PRKCA: variants seen among roughly 807,000 people sequenced by gnomAD.
PRKCA encodes protein kinase C alpha type.
A neutral mutation model predicts 87.0 loss-of-function variants in PRKCA; 27 were observed. The ratio of observed to expected loss-of-function variants is 0.31; its 90% CI spans 0.23 to 0.43. PRKCA has a LOEUF of 0.43. PRKCA is among the 20% of genes least tolerant of loss of function. The pLI is 1.00. For missense variants in PRKCA, 518 were observed against 852.3 expected (o/e 0.61, Z 4.88); for synonymous variants, 329 against 311.1 (o/e 1.06, Z -0.61).
chr17:66,781,887 A>ATATATATATATATAGT (rs767300220), intron 14 of PRKCA, among the ~76,000 whole-genome samples: 25 of 125,610 alleles, frequency 2.0e-4, no homozygotes, highest in African/African-American at 7.6e-4. Flanking sequence ...ATATATATAT[A>ATATATATATATATAGT]GTGTGTGTGT....
At chr17:66,464,091 T>G (rs576447169) in intron 2 of PRKCA, among the ~76,000 whole-genome samples, 148 of 152,334 alleles carry the variant, frequency 9.7e-4, no homozygotes, top group South Asian at 3.5e-3. Context: ...CTCCATGGTT[T>G]TGCCTTTTTC....
intron 2 of PRKCA, among the ~76,000 whole-genome samples, chr17:66,456,593 T>C (rs933236286): frequency 1.3e-5 from 2 of 152,230 alleles, no homozygotes; most frequent in African/African-American, 4.8e-5. Flanking sequence ...TGTCATCCCC[T>C]GTGCTGGCTT....
intron 2 of PRKCA, among the ~76,000 whole-genome samples, chr17:66,495,461 C>T (rs549893774): frequency 8.5e-5 from 13 of 152,124 alleles, no homozygotes; most frequent in East Asian, 5.8e-4. Context: ...ATTTCAACCA[C>T]GGAATACAAT....
chr17:66,582,632 T>TTTATACA (rs1969480089), intron 3 of PRKCA, among the ~76,000 whole-genome samples: 1 of 147,890 alleles, frequency 6.8e-6, no homozygotes, highest in South Asian at 2.1e-4. Flanking sequence ...ACCTCTTTCC[T>TTTATACA]TTATACATTG....
chr17:66,794,490 A>G (rs933799496), intron 16 of PRKCA, among the ~76,000 whole-genome samples: 2 of 151,738 alleles, frequency 1.3e-5, no homozygotes, highest in African/African-American at 4.8e-5. Context: ...AATAATTTCC[A>G]ATTTCAGACT....
intron 3 of PRKCA, among the ~76,000 whole-genome samples, chr17:66,636,303 A>T (rs955390237): frequency 2.0e-4 from 30 of 152,338 alleles, no homozygotes; most frequent in African/African-American, 7.2e-4. Context: ...TAGACTGGAA[A>T]AGAGTTTCCA....
At chr17:66,618,588 CT>C (rs1213899624) in intron 3 of PRKCA, among the ~76,000 whole-genome samples, 5 of 152,104 alleles carry the variant, frequency 3.3e-5, no homozygotes, top group Admixed American at 2.6e-4. Context: ...TTTGAGAAAG[CT>C]CTGGGACATT....
chr17:66,732,878 T>C, intron 9 of PRKCA, 53 bp downstream of exon 9: 2 of 1,582,466 alleles, frequency 1.3e-6, no homozygotes, highest in Non-Finnish European at 1.7e-6. Context: ...GAATGTCGAA[T>C]CAGTTTTGTT....
chr17:66,755,983 T>A (rs564764917), intron 13 of PRKCA, among the ~76,000 whole-genome samples: 1 of 152,296 alleles, frequency 6.6e-6, no homozygotes, highest in Admixed American at 6.5e-5. Flanking sequence ...GAAACCTCCC[T>A]GGCTACTAGT....
intron 13 of PRKCA, among the ~76,000 whole-genome samples, chr17:66,748,855 G>T (rs1454582713): frequency 6.6e-6 from 1 of 152,062 alleles, no homozygotes. Flanking sequence ...GAGGGAGGGA[G>T]AAAGAAGGAA....
chr17:66,314,396 A>G (rs554212750), intron 2 of PRKCA, among the ~76,000 whole-genome samples: 1 of 152,310 alleles, frequency 6.6e-6, no homozygotes, highest in South Asian at 2.1e-4. Flanking sequence ...GCATTAAAAA[A>G]ACTCTTTATT....
chr17:66,375,807 C>G (rs1909385264), intron 2 of PRKCA, among the ~76,000 whole-genome samples: 1 of 152,072 alleles, frequency 6.6e-6, no homozygotes, highest in South Asian at 2.1e-4. Flanking sequence ...GTTCACAGCT[C>G]CTGGCCAGCC....
chr17:66,768,302 G>A (rs1974856445), intron 13 of PRKCA, among the ~76,000 whole-genome samples: 1 of 150,688 alleles, frequency 6.6e-6, no homozygotes, highest in South Asian at 2.1e-4. Context: ...GCCCAAGCTG[G>A]TCTCCAATTC....
chr17:66,624,262 TGGG>T (rs1332195966), intron 3 of PRKCA, among the ~76,000 whole-genome samples: 6 of 149,974 alleles, frequency 4.0e-5, no homozygotes, highest in African/African-American at 1.5e-4. Context: ...TCTGGTAAAG[TGGG>T]GTTAGCATGA....
At chr17:66,511,837 C>T (rs1342166483) in intron 3 of PRKCA, among the ~76,000 whole-genome samples, 1 of 151,998 alleles carries the variant, frequency 6.6e-6, no homozygotes, top group East Asian at 1.9e-4. Context: ...CACACCACCA[C>T]ACTCGGCTTA....
At chr17:66,629,959 T>A (rs1245293499) in intron 3 of PRKCA, among the ~76,000 whole-genome samples, 1 of 152,226 alleles carries the variant, frequency 6.6e-6, no homozygotes, top group Non-Finnish European at 1.5e-5. Flanking sequence ...TGGTTATGTA[T>A]AATGCTGTTA....
At chr17:66,781,653 T>C (rs1370362772) in intron 14 of PRKCA, among the ~76,000 whole-genome samples, 1 of 151,928 alleles carries the variant, frequency 6.6e-6, no homozygotes, top group African/African-American at 2.4e-5. Context: ...AGTCAAATCA[T>C]AGCAACAGAA....
chr17:66,388,905 G>T (rs1308660925), intron 2 of PRKCA, among the ~76,000 whole-genome samples: 1 of 152,160 alleles, frequency 6.6e-6, no homozygotes, highest in East Asian at 1.9e-4. Flanking sequence ...GGTGGGAAGG[G>T]TGACCTCATT....
intron 2 of PRKCA, among the ~76,000 whole-genome samples, chr17:66,365,078 G>C (rs1277552011): frequency 6.6e-6 from 1 of 152,200 alleles, no homozygotes; most frequent in Non-Finnish European, 1.5e-5. Flanking sequence ...AAAAGAAAAA[G>C]GGGACTTCAC....
Sources: gnomAD v4.1 joint callset for allele counts (sites outside exome capture counted in the v4.1 genomes callset) on GRCh38, gnomAD v4.1.1 for gene constraint, MANE v1.5 for transcripts, NCBI Gene and HGNC (gene_info 2026-07-23, HGNC 2026-07-21) for gene names.